Variants in RPS6KC1 observed in about 807,000 individuals in gnomAD.
RPS6KC1 encodes the protein ribosomal protein S6 kinase C1.
Under a neutral mutation model 103.8 loss-of-function variants are expected in RPS6KC1, and 54 were observed. That is an observed-to-expected ratio of 0.52 (90% CI 0.42 to 0.65). RPS6KC1 has a LOEUF of 0.65. Ranked by LOEUF, RPS6KC1 falls within the 30% of genes least tolerant of loss-of-function variation. The probability of loss-of-function intolerance (pLI) is 0.00; values close to 1 mark genes in which losing one functional copy is unlikely to be tolerated. For missense variants in RPS6KC1, 1,151 were observed against 1,253.8 expected (o/e 0.92, Z 1.24); for synonymous variants, 439 against 438.7 (o/e 1.00, Z -0.01).
At chr1:213,826,275 G>C in the RPS6KC1 span, among the ~76,000 whole-genome samples, 1 of 152,070 alleles carries the variant, frequency 6.6e-6, no homozygotes, top group African/African-American at 2.4e-5. Context: ...AGATGTCCAG[G>C]TAATGCTAAA....
the RPS6KC1 span, among the ~76,000 whole-genome samples, chr1:213,499,853 A>T: frequency 6.6e-6 from 1 of 152,266 alleles, no homozygotes; most frequent in Non-Finnish European, 1.5e-5. Context: ...ATATTTAAAC[A>T]TAGAAAAAGT....
At chr1:213,216,516 T>G (rs534210118) in intron 8 of RPS6KC1, among the ~76,000 whole-genome samples, 350 of 151,898 alleles carry the variant, frequency 2.3e-3, no homozygotes, top group African/African-American at 8.2e-3. Flanking sequence ...CTGCACCAAG[T>G]GGACCTAATA....
At chr1:213,511,855 A>G in the RPS6KC1 span, among the ~76,000 whole-genome samples, 1 of 151,990 alleles carries the variant, frequency 6.6e-6, no homozygotes, top group East Asian at 1.9e-4. Context: ...GGCACTTGTC[A>G]CCTTCTAATA....
intron 6 of RPS6KC1, among the ~76,000 whole-genome samples, chr1:213,147,785 T>C (rs2088058310): frequency 6.6e-6 from 1 of 152,204 alleles, no homozygotes; most frequent in South Asian, 2.1e-4. Context: ...TTGCTGTGGG[T>C]CATATGGACA....
At chr1:213,063,727 A>G (rs547363110) in intron 1 of RPS6KC1, among the ~76,000 whole-genome samples, 1 of 152,340 alleles carries the variant, frequency 6.6e-6, no homozygotes, top group South Asian at 2.1e-4. Context: ...GGGATTTACT[A>G]GGCATATTAA....
At chr1:213,757,877 C>T in the RPS6KC1 span, among the ~76,000 whole-genome samples, 1 of 152,096 alleles carries the variant, frequency 6.6e-6, no homozygotes. Context: ...TCATAGGGCC[C>T]TTAAGAATGA....
chr1:213,267,445 G>A (rs2094937774), intron 14 of RPS6KC1, among the ~76,000 whole-genome samples: 1 of 151,926 alleles, frequency 6.6e-6, no homozygotes, highest in African/African-American at 2.4e-5. Flanking sequence ...GAAAAAATCA[G>A]ACTCTAGAGT....
chr1:213,304,645 C>T, the RPS6KC1 span, among the ~76,000 whole-genome samples: 6 of 151,544 alleles, frequency 4.0e-5, no homozygotes, highest in South Asian at 2.1e-4. Context: ...TGGGTTCAAG[C>T]GATTCTCTTG....
At chr1:213,354,442 C>T in the RPS6KC1 span, among the ~76,000 whole-genome samples, 1 of 152,176 alleles carries the variant, frequency 6.6e-6, no homozygotes, top group Non-Finnish European at 1.5e-5. Context: ...TCACTTCTTT[C>T]CCCAAGAGAT....
chr1:213,123,525 G>A (rs1299647353), intron 5 of RPS6KC1, among the ~76,000 whole-genome samples: 1 of 152,150 alleles, frequency 6.6e-6, no homozygotes, highest in Non-Finnish European at 1.5e-5. Flanking sequence ...CAAAGGAAAG[G>A]TTCTTTTTTG....
At chr1:213,418,820 C>T in the RPS6KC1 span, among the ~76,000 whole-genome samples, 2 of 152,288 alleles carry the variant, frequency 1.3e-5, no homozygotes, top group African/African-American at 4.8e-5. Context: ...TGAGCGTTTT[C>T]TAGCCCTCTC....
intron 6 of RPS6KC1, among the ~76,000 whole-genome samples, chr1:213,159,790 A>T (rs2090286706): frequency 6.6e-6 from 1 of 152,214 alleles, no homozygotes; most frequent in Admixed American, 6.5e-5. Flanking sequence ...CATCAGTATC[A>T]CCACATTTTT....
At chr1:213,149,955 A>G (rs2088455478) in intron 6 of RPS6KC1, among the ~76,000 whole-genome samples, 1 of 152,216 alleles carries the variant, frequency 6.6e-6, no homozygotes, top group Non-Finnish European at 1.5e-5. Flanking sequence ...TCTGATACAA[A>G]TATATCAGAA....
At chr1:213,064,218 G>T (rs1392474587) in intron 1 of RPS6KC1, among the ~76,000 whole-genome samples, 1 of 151,904 alleles carries the variant, frequency 6.6e-6, no homozygotes. Context: ...CACCACACCC[G>T]GCTCATTTTT....
the RPS6KC1 span, among the ~76,000 whole-genome samples, chr1:213,531,361 A>C: frequency 6.6e-6 from 1 of 152,220 alleles, no homozygotes; most frequent in Non-Finnish European, 1.5e-5. Context: ...ACAGGAGAGG[A>C]AACTTTAATG....
At chr1:213,502,577 G>C in the RPS6KC1 span, among the ~76,000 whole-genome samples, 1 of 151,918 alleles carries the variant, frequency 6.6e-6, no homozygotes, top group Non-Finnish European at 1.5e-5. Flanking sequence ...AATAAATTAT[G>C]GTCCATCTAT....
chr1:213,368,386 G>C, the RPS6KC1 span, among the ~76,000 whole-genome samples: 1 of 152,186 alleles, frequency 6.6e-6, no homozygotes, highest in Admixed American at 6.5e-5. Context: ...TTTTACACGA[G>C]AGGGTAGGTC....
chr1:213,676,806 T>C, the RPS6KC1 span, among the ~76,000 whole-genome samples: 1 of 152,230 alleles, frequency 6.6e-6, no homozygotes, highest in Non-Finnish European at 1.5e-5. Context: ...TTCTCTGAGA[T>C]CAAGTTTTAA....
chr1:213,389,136 T>C, the RPS6KC1 span, among the ~76,000 whole-genome samples: 3 of 151,566 alleles, frequency 2.0e-5, no homozygotes. Flanking sequence ...TTTTTTTTTT[T>C]CTTCCACAGT....
Sources: allele counts gnomAD v4.1 joint callset (sites outside exome capture counted in the v4.1 genomes callset), GRCh38; gene constraint gnomAD v4.1.1; transcripts MANE v1.5; gene names NCBI Gene and HGNC (gene_info 2026-07-23, HGNC 2026-07-21).